Variants in TCF4 observed in about 807,000 individuals in gnomAD.
The protein encoded by TCF4 is SL3-3 enhancer factor 2.
Under a neutral mutation model 82.1 loss-of-function variants are expected in TCF4, and 3 were observed. The observed-to-expected ratio is 0.04, with a 90% CI of 0.02 to 0.09. The LOEUF (loss-of-function observed/expected upper bound fraction) is 0.09. TCF4 is among the 10% of genes least tolerant of loss of function. The pLI is 1.00. For synonymous variants in TCF4, 276 were observed against 309.6 expected (o/e 0.89, Z 1.14); for missense variants, 518 against 852.7 (o/e 0.61, Z 4.89).
chr18:55,361,020 T>C (rs1285040886), intron 6 of TCF4, among the ~76,000 whole-genome samples: 1 of 152,070 alleles, frequency 6.6e-6, no homozygotes, highest in East Asian at 1.9e-4. Context: ...CCACCACACC[T>C]GGCCTGCTAA....
intron 3 of TCF4, among the ~76,000 whole-genome samples, chr18:55,485,416 C>T (rs2096499337): frequency 6.6e-6 from 1 of 152,200 alleles, no homozygotes; most frequent in South Asian, 2.1e-4. Context: ...TAAATCTAGA[C>T]TTCATCTATC....
At chr18:55,489,464 G>T (rs2096552818) in intron 3 of TCF4, among the ~76,000 whole-genome samples, 1 of 152,044 alleles carries the variant, frequency 6.6e-6, no homozygotes, top group Admixed American at 6.6e-5. Flanking sequence ...GCGAGTATCA[G>T]GGCAGATGTT....
chr18:55,330,782 T>C (rs2077426275), intron 8 of TCF4, among the ~76,000 whole-genome samples: 1 of 151,856 alleles, frequency 6.6e-6, no homozygotes, highest in African/African-American at 2.4e-5. Flanking sequence ...TTGGCCAGGA[T>C]GGTCTTGAAC....
intron 15 of TCF4, among the ~76,000 whole-genome samples, chr18:55,239,927 T>C (rs2050707551): frequency 6.6e-6 from 1 of 152,208 alleles, no homozygotes; most frequent in South Asian, 2.1e-4. Context: ...ATTTCATGGA[T>C]GGGAAAATGT....
At chr18:55,457,491 T>C (rs2095786943) in intron 5 of TCF4, among the ~76,000 whole-genome samples, 1 of 148,924 alleles carries the variant, frequency 6.7e-6, no homozygotes, top group Admixed American at 6.7e-5. Flanking sequence ...ACAAACATTT[T>C]ATTACTTTTT....
chr18:55,486,696 C>T (rs750079153), intron 3 of TCF4, among the ~76,000 whole-genome samples: 12 of 152,080 alleles, frequency 7.9e-5, no homozygotes, highest in Non-Finnish European at 2.9e-5. Flanking sequence ...CAGGTGAAAT[C>T]GTAGAGCCCA....
chr18:55,375,634 A>C (rs2090542441), intron 6 of TCF4, among the ~76,000 whole-genome samples: 1 of 152,200 alleles, frequency 6.6e-6, no homozygotes, highest in African/African-American at 2.4e-5. Flanking sequence ...AATCTTAAAC[A>C]ACTAAAAAAA....
chr18:55,298,354 G>A (rs1311784997), intron 8 of TCF4, among the ~76,000 whole-genome samples: 1 of 152,172 alleles, frequency 6.6e-6, no homozygotes, highest in East Asian at 1.9e-4. Flanking sequence ...TGGTGTTAGG[G>A]CTGAGAAGAT....
At chr18:55,326,518 T>A (rs1412285333) in intron 8 of TCF4, among the ~76,000 whole-genome samples, 7 of 150,286 alleles carry the variant, frequency 4.7e-5, no homozygotes, top group African/African-American at 1.5e-4. Flanking sequence ...CTCTTCCCAA[T>A]GGAGCAAAGA....
chr18:55,393,803 T>C (rs2093326743), intron 6 of TCF4, among the ~76,000 whole-genome samples: 1 of 152,230 alleles, frequency 6.6e-6, no homozygotes, highest in East Asian at 1.9e-4. Context: ...TATTTAGTGA[T>C]TTGTAATGTA....
chr18:55,394,679 C>T (rs1603442760), intron 6 of TCF4, among the ~76,000 whole-genome samples: 1 of 152,274 alleles, frequency 6.6e-6, no homozygotes, highest in East Asian at 1.9e-4. Context: ...GTTGGAAATG[C>T]TAAGGCAAAT....
chr18:55,429,051 G>C (rs2095091747), intron 5 of TCF4, among the ~76,000 whole-genome samples: 2 of 152,124 alleles, frequency 1.3e-5, no homozygotes, highest in African/African-American at 4.8e-5. Flanking sequence ...AATATATTTT[G>C]TCAATGAAAA....
intron 6 of TCF4, among the ~76,000 whole-genome samples, chr18:55,378,439 ACTCTT>A (rs2091275320): frequency 6.6e-6 from 1 of 152,116 alleles, no homozygotes; most frequent in South Asian, 2.1e-4. Flanking sequence ...TATTTAAGAC[ACTCTT>A]CTAAGTGTCT....
At chr18:55,615,061 T>A (rs747549430) in intron 2 of TCF4, among the ~76,000 whole-genome samples, 1 of 152,148 alleles carries the variant, frequency 6.6e-6, no homozygotes, top group Admixed American at 6.5e-5. Flanking sequence ...TTGTCTGCAT[T>A]GTGGTAAATA....
chr18:55,559,423 G>A (rs556071979), intron 3 of TCF4, among the ~76,000 whole-genome samples: 6 of 151,926 alleles, frequency 3.9e-5, no homozygotes, highest in South Asian at 2.1e-4. Flanking sequence ...TTATAAACAC[G>A]GATACTTAAA....
At chr18:55,417,612 T>C (rs577735177) in intron 5 of TCF4, among the ~76,000 whole-genome samples, 24 of 152,296 alleles carry the variant, frequency 1.6e-4, no homozygotes, top group African/African-American at 3.8e-4. Flanking sequence ...AAAGGAACTC[T>C]GTACATCCTG....
At chr18:55,486,729 ACT>A (rs145950568) in intron 3 of TCF4, among the ~76,000 whole-genome samples, 5,709 of 152,298 alleles carry the variant, frequency 0.037, 123 homozygotes, top group Non-Finnish European at 0.052. Flanking sequence ...TAACGCTTTA[ACT>A]CAAGACGCAT....
In TCF4 at chr18:55,586,141, G is replaced by A. The variant is rs377079367; in HGVS notation, c.73-789C>T. On this transcript the variant is annotated intron_variant, in intron 2 of 19. Coordinates refer to ENST00000354452, the MANE Select transcript of TCF4 (RefSeq NM_001083962.2). ...AGAGGAGGAGGAGGAGGAGAAGGAG[G>A]AGGAGGAGGAGGAGCAGCAGCAGCA... 1.7e-5 allele frequency: 23 copies of A among 1,319,600 alleles called. 1 individual carries two copies. The highest frequency in any genetic ancestry group is 4.5e-5 in the Admixed American group (2 of 44,782). The allele number at this position is 1,319,600 out of a possible 1,614,324, so 81.7% of individuals were successfully genotyped here.
At chr18:55,242,858 T>C (rs929294495) in intron 15 of TCF4, among the ~76,000 whole-genome samples, 4 of 152,196 alleles carry the variant, frequency 2.6e-5, no homozygotes, top group Non-Finnish European at 4.4e-5. Context: ...TCCTCCCGCC[T>C]TGGCTTCCCA....
Sources: gnomAD v4.1 joint callset for allele counts (sites outside exome capture counted in the v4.1 genomes callset) on GRCh38, gnomAD v4.1.1 for gene constraint, MANE v1.5 for transcripts, NCBI Gene and HGNC (gene_info 2026-07-23, HGNC 2026-07-21) for gene names.